Variants in TMEM53 observed in about 807,000 individuals in gnomAD.
TMEM53 encodes the protein novel DUF829 domain-containing protein.
Under a neutral mutation model 21.4 loss-of-function variants are expected in TMEM53, and 14 were observed. That is an observed-to-expected ratio of 0.65 (90% CI 0.43 to 1.02). The LOEUF is 1.02. TMEM53 is among the 50% of genes least tolerant of loss of function. The pLI is 0.00. For missense variants in TMEM53, 323 were observed against 383.6 expected, an observed-to-expected ratio of 0.84 and a Z score of 1.32; for synonymous variants, 148 against 157.4, an observed-to-expected ratio of 0.94 and a Z score of 0.45.
intron 1 of TMEM53, among the ~76,000 whole-genome samples, chr1:44,664,242 G>A (rs900749946): frequency 2.0e-5 from 3 of 151,620 alleles, no homozygotes; most frequent in Admixed American, 6.6e-5. Flanking sequence ...CCTGAGGTCA[G>A]GAGTTCAAGA....
intron 1 of TMEM53, 91 bp downstream of exon 1, chr1:44,674,240 G>A (rs1173821102): frequency 6.7e-6 from 10 of 1,501,912 alleles, no homozygotes; most frequent in Non-Finnish European, 8.9e-6. Flanking sequence ...GGAGGGCGGG[G>A]CCGCATGAGG....
Position 44,670,169 on chromosome 1 carries a change from T to TAAAAAA in TMEM53, c.61+4156_61+4161dup, listed in dbSNP as rs780360806. Among the ~76,000 whole-genome samples the TAAAAAA allele has an allele frequency of 1.8e-3, 191 of 103,762 alleles. 10 individuals carry two copies. Among genetic ancestry groups the TAAAAAA allele is most frequent in the African/African-American group, 4.6e-3 (106 of 22,840 alleles). The allele number at this position is 103,762 out of a possible 152,430, so 68.1% of individuals were successfully genotyped here. A position where few individuals can be genotyped will look rare whatever the true frequency, so the allele number is the denominator to read the frequency against. On this transcript the variant is annotated intron_variant, in intron 1 of 2. Transcript: ENST00000372237. ...AAAAATAAATACAACTCCTCTGTAT[T>TAAAAAA]AAAAAAAAAAAAAAAGACCTTTGGG...
intron 1 of TMEM53, among the ~76,000 whole-genome samples, chr1:44,660,526 T>A (rs1644891728): frequency 6.6e-6 from 1 of 152,200 alleles, no homozygotes; most frequent in African/African-American, 2.4e-5. Context: ...CACCTTTCTT[T>A]AGAGACTCGA....
Position 44,658,441 on chromosome 1 carries a change from C to A in TMEM53, c.183+1733G>T, listed in dbSNP as rs570911129. Among the ~76,000 whole-genome samples the A allele has an allele frequency of 2.4e-4, 37 of 152,264 alleles. No homozygotes were observed. The East Asian group carries it at 7.1e-3, about 29-fold the overall frequency. On this transcript the variant is annotated intron_variant, in intron 2 of 2. Coordinates refer to ENST00000372237, the MANE Select transcript of TMEM53 (RefSeq NM_024587.4). ...CCATCACCTTACCTCTACCGACACC[C>A]CCAACTCCAAGGTCCTGACTACCCT...
At chr1:44,663,118 T>A (rs559854878) in intron 1 of TMEM53, among the ~76,000 whole-genome samples, 1 of 152,230 alleles carries the variant, frequency 6.6e-6, no homozygotes, top group Non-Finnish European at 1.5e-5. Context: ...AGTGGCACAA[T>A]CACAGCTCAC....
At chr1:44,661,393 GCTTT>G (rs1000740459) in intron 1 of TMEM53, among the ~76,000 whole-genome samples, 35 of 149,282 alleles carry the variant, frequency 2.3e-4, no homozygotes, top group African/African-American at 4.4e-4. Context: ...ACCATGTGCA[GCTTT>G]CTTTTTCTTT....
rs564088715 is a variant in TMEM53 at position 44,672,954 on chromosome 1, A to G, written c.61+1377T>C. ...AGGAATCTCAGGCTCAGGGAGGTTCAATAGCTTGCCAAAGACATATAACTT... is the reference window on the plus strand; with the variant it reads ...AGGAATCTCAGGCTCAGGGAGGTTCGATAGCTTGCCAAAGACATATAACTT... On this transcript the variant is annotated intron_variant, in intron 1 of 2. Transcript: ENST00000372237. 8.3e-4 allele frequency among the ~76,000 whole-genome samples: 127 copies of G among 152,298 alleles called. 1 individual carries two copies. Among genetic ancestry groups the G allele is most frequent in the African/African-American group, 3.0e-3 (124 of 41,570 alleles).
At chr1:44,665,320 A>T (rs1025690102) in intron 1 of TMEM53, among the ~76,000 whole-genome samples, 6 of 152,192 alleles carry the variant, frequency 3.9e-5, no homozygotes, top group Non-Finnish European at 7.3e-5. Context: ...AGAATTCTGG[A>T]ACATGTATCA....
rs924790586 is a variant in TMEM53, at chr1:44,655,343, T to C, written c.184-134A>G. 6.6e-6 allele frequency: 6 copies of C among 913,764 alleles called. No individual in the cohort carries two copies. The highest frequency in any genetic ancestry group is 9.6e-6 in the Non-Finnish European group (6 of 628,198). 56.6% of individuals were successfully genotyped at this position (913,764 alleles called of 1,614,324 possible). A position where few individuals can be genotyped will look rare whatever the true frequency, so the allele number is the denominator to read the frequency against. ...CCCACAGCGTCAGCAATGCTCTGGG[T>C]CCTGCTTCAGCCTGAGCCCACCAGC... On this transcript the variant is annotated intron_variant, in intron 2 of 2. Coordinates refer to ENST00000372237, the MANE Select transcript of TMEM53 (RefSeq NM_024587.4). This position sits in a 1 kb window ranked among gnomAD's most constrained non-coding sequence, Gnocchi z 4.4.
rs988026147 is a variant in TMEM53, at chr1:44,674,310, G to C, written c.61+21C>G. Reference sequence around the variant, plus strand: ...TCATGAGGTCACCTCCCCGCGCCTGGACCCAACCCTCATTCCATACTCTGG... The same window carrying C: ...TCATGAGGTCACCTCCCCGCGCCTGCACCCAACCCTCATTCCATACTCTGG... On this transcript the variant is annotated intron_variant, in intron 1 of 2. Coordinates refer to ENST00000372237, the MANE Select transcript of TMEM53 (RefSeq NM_024587.4). 3.1e-6 allele frequency: 5 copies of C among 1,606,252 alleles called. No individual in the cohort carries two copies. The African/African-American group carries it at 6.7e-5, about 22-fold the overall frequency.
intron 1 of TMEM53, among the ~76,000 whole-genome samples, chr1:44,667,315 GTT>G (rs5773848): frequency 2.9e-5 from 4 of 138,266 alleles, no homozygotes; most frequent in Non-Finnish European, 3.2e-5. Flanking sequence ...TTTTTTTGTT[GTT>G]TTTTTTTTTT....
intron 1 of TMEM53, among the ~76,000 whole-genome samples, chr1:44,671,650 T>G (rs1645002049): frequency 6.6e-6 from 1 of 152,174 alleles, no homozygotes; most frequent in African/African-American, 2.4e-5. Context: ...TTTTAAAGGC[T>G]GGGCACAGTG....
At position 44,664,528 on chromosome 1, in the gene TMEM53, C is replaced by T. The variant is rs372067893; in HGVS notation, c.62-4233G>A. Among the ~76,000 whole-genome samples the T allele has an allele frequency of 2.7e-4, 41 of 152,044 alleles. No homozygotes were observed. In the East Asian group the frequency reaches 2.9e-3, roughly 11 times the overall value. On this transcript the variant is annotated intron_variant, in intron 1 of 2. Coordinates refer to ENST00000372237, the MANE Select transcript of TMEM53 (RefSeq NM_024587.4). ...TACAGACGAAAACCTGAGGCACATA[C>T]GAAACGGCTTGCTCAGGGTTACATA...
intron 1 of TMEM53, among the ~76,000 whole-genome samples, chr1:44,670,539 T>G (rs1300522053): frequency 1.3e-5 from 2 of 152,192 alleles, no homozygotes; most frequent in Non-Finnish European, 2.9e-5. Flanking sequence ...CAGCTTGGGC[T>G]GCTCTACTCT....
chr1:44,655,268 A>C lies in TMEM53; in HGVS notation c.184-59T>G, dbSNP rs1054113594. ...GAGGTGGGGGTAGTGGGTACAAGCT[A>C]AGGTCAGAGGGGCCCAGCAACCCCA... On this transcript the variant is annotated intron_variant, in intron 2 of 2. Coordinates refer to ENST00000372237, the MANE Select transcript of TMEM53 (RefSeq NM_024587.4). This position sits in a 1 kb window ranked among gnomAD's most constrained non-coding sequence, Gnocchi z 4.4. The C allele has an allele frequency of 6.6e-7, 1 of 1,514,276 alleles. No individual in the cohort carries two copies. Among genetic ancestry groups the C allele is most frequent in the African/African-American group, 1.4e-5 (1 of 71,826 alleles). 93.8% of individuals were successfully genotyped at this position (1,514,276 alleles called of 1,614,324 possible).
At chr1:44,671,721 G>T (rs575405020) in intron 1 of TMEM53, among the ~76,000 whole-genome samples, 3 of 152,244 alleles carry the variant, frequency 2.0e-5, no homozygotes, top group Non-Finnish European at 4.4e-5. Flanking sequence ...CTGAGGTCAG[G>T]AGTTCAAGAC....
chr1:44,661,990 C>A (rs1001833714), intron 1 of TMEM53, among the ~76,000 whole-genome samples: 1 of 152,242 alleles, frequency 6.6e-6, no homozygotes, highest in East Asian at 1.9e-4. Context: ...CCGGCATGCA[C>A]CCTTCCAAGG....
intron 1 of TMEM53, among the ~76,000 whole-genome samples, chr1:44,660,645 T>C (rs1208647109): frequency 6.6e-6 from 1 of 152,136 alleles, no homozygotes; most frequent in Admixed American, 6.5e-5. Flanking sequence ...CTGCCTATTT[T>C]TGTATGGCCT....
At chr1:44,666,201 T>C (rs1197073028) in intron 1 of TMEM53, among the ~76,000 whole-genome samples, 1 of 152,226 alleles carries the variant, frequency 6.6e-6, no homozygotes, top group African/African-American at 2.4e-5. Flanking sequence ...ATACCCAGGA[T>C]GGCTATAATT....
Sources: gnomAD v4.1 joint callset for allele counts (sites outside exome capture counted in the v4.1 genomes callset) on GRCh38, gnomAD v4.1.1 for gene constraint, Gnocchi (gnomAD v3.1) non-coding constraint, MANE v1.5 for transcripts, NCBI Gene and HGNC (gene_info 2026-07-23, HGNC 2026-07-21) for gene names.